SHC4: variants seen among roughly 807,000 people sequenced by gnomAD.
SHC4 encodes the protein SHC-transforming protein 4.
SHC4 carries 41 observed loss-of-function variants against 69.4 expected under a neutral mutation model. The ratio of observed to expected loss-of-function variants is 0.59; its 90% CI spans 0.46 to 0.77. The LOEUF is 0.77. Ranked by LOEUF, SHC4 falls within the 30% of genes least tolerant of loss-of-function variation. SHC4 has a pLI of 0.00. For synonymous variants in SHC4, 318 were observed against 299.3 expected, an observed-to-expected ratio of 1.06 and a Z score of -0.64; for missense variants, 777 against 783.8, an observed-to-expected ratio of 0.99 and a Z score of 0.10.
At chr15:48,889,866 A>C (rs949244605) in intron 3 of SHC4, among the ~76,000 whole-genome samples, 7 of 152,070 alleles carry the variant, frequency 4.6e-5, no homozygotes, top group African/African-American at 1.7e-4. Context: ...CAAAACAAAA[A>C]CAAAAAACCC....
chr15:48,890,684 G>T, intron 3 of SHC4, 64 bp downstream of exon 3: 2 of 1,589,192 alleles, frequency 1.3e-6, no homozygotes, highest in South Asian at 1.1e-5. Flanking sequence ...AACGAACAGC[G>T]ATTTTCATAC....
At chr15:48,940,282 A>G (rs1901151273) in intron 1 of SHC4, among the ~76,000 whole-genome samples, 1 of 152,220 alleles carries the variant, frequency 6.6e-6, no homozygotes, top group Non-Finnish European at 1.5e-5. Context: ...TCTCCTGCCA[A>G]CACATAATCC....
intron 4 of SHC4, 35 bp downstream of exon 4, chr15:48,884,213 A>G (rs371992890): frequency 1.9e-6 from 3 of 1,567,356 alleles, no homozygotes; most frequent in African/African-American, 2.8e-5. Flanking sequence ...GAAAAAATAG[A>G]TATGTTTATC....
rs763894985 is a variant in SHC4 at position 48,963,292 on chromosome 15, A to G, written c.-277T>C. Reference sequence around the variant, plus strand: ...ATCCTTGTCGGGAGAGCCTAGACCCAGGCTCCCGGCGGCGCGGGTCGCTCA... The same window carrying G: ...ATCCTTGTCGGGAGAGCCTAGACCCGGGCTCCCGGCGGCGCGGGTCGCTCA... On this transcript the variant is annotated 5_prime_UTR_variant, in exon 1 of 12. Transcript: ENST00000332408. 3.4e-5 allele frequency: 13 copies of G among 377,502 alleles called. No homozygotes were observed. The highest frequency in any genetic ancestry group is 6.2e-5 in the Non-Finnish European group (13 of 210,754). The allele number at this position is 377,502 out of a possible 1,614,324, so 23.4% of individuals were successfully genotyped here.
chr15:48,901,340 T>C (rs1369658822), intron 2 of SHC4, among the ~76,000 whole-genome samples: 1 of 152,192 alleles, frequency 6.6e-6, no homozygotes, highest in African/African-American at 2.4e-5. Context: ...TTTGCAAGGA[T>C]TGTTTATACA....
At chr15:48,855,302 T>A (rs182329236) in intron 8 of SHC4, among the ~76,000 whole-genome samples, 28 of 152,106 alleles carry the variant, frequency 1.8e-4, no homozygotes, top group Admixed American at 1.8e-3. Context: ...TACAGAATAC[T>A]GAAGAAGGAA....
chr15:48,874,389 G>A lies in SHC4; in HGVS notation c.841-2247C>T, dbSNP rs189630819. Among the ~76,000 whole-genome samples, 5 of 152,282 alleles carry A rather than the reference G, an allele frequency of 3.3e-5. No homozygotes were observed. In the East Asian group the frequency reaches 5.8e-4, roughly 18 times the overall value. On this transcript the variant is annotated intron_variant, in intron 4 of 11. Transcript: ENST00000332408. ...CTGGCCAGAGACCAAGTACCAGTCC[G>A]TGGCCTGTTAGGAACCGGGCTGCAG...
chr15:48,873,841 A>C (rs1457638346), intron 4 of SHC4, among the ~76,000 whole-genome samples: 2 of 152,220 alleles, frequency 1.3e-5, no homozygotes, highest in African/African-American at 4.8e-5. Flanking sequence ...GAATCATGTA[A>C]TGCTTTTTGG....
At chr15:48,947,597 C>T (rs552788158) in intron 1 of SHC4, among the ~76,000 whole-genome samples, 2 of 152,252 alleles carry the variant, frequency 1.3e-5, no homozygotes, top group East Asian at 3.9e-4. Flanking sequence ...TCTCATTCAC[C>T]AGGATCCTGG....
chr15:48,888,863 G>A (rs555349237), intron 3 of SHC4, among the ~76,000 whole-genome samples: 2 of 147,110 alleles, frequency 1.4e-5, no homozygotes, highest in South Asian at 2.2e-4. Flanking sequence ...CTCCAGCCTG[G>A]GTGACAGAGT....
intron 4 of SHC4, chr15:48,877,492 A>G (rs1899830180): frequency 2.0e-6 from 2 of 984,712 alleles, no homozygotes; most frequent in Middle Eastern, 5.2e-4. Flanking sequence ...TTTAAAAAAC[A>G]CACAAAATAG....
At position 48,857,703 on chromosome 15, in the gene SHC4, A is replaced by G; in HGVS notation, c.1059T>C (p.Thr353=). The change falls in exon 7 of 12, where the codon ACT becomes ACC. Residue 353 remains threonine (T), a synonymous_variant. Coordinates refer to ENST00000332408, the MANE Select transcript of SHC4 (RefSeq NM_203349.4). ...AACTCTTGGCTGACCTTTCACAAGA[A>G]GTATTCAAAGAAGGATTTTTCAAGT... The part of the protein sequence containing the change: ...KQYLKNPSLN[T]SCESEEVHID... The G allele has an allele frequency of 6.3e-7, 1 of 1,598,388 alleles. No individual in the cohort carries two copies. The highest frequency in any genetic ancestry group is 8.5e-7 in the Non-Finnish European group (1 of 1,172,096).
intron 1 of SHC4, among the ~76,000 whole-genome samples, chr15:48,934,534 G>A (rs1401170579): frequency 6.6e-6 from 1 of 152,102 alleles, no homozygotes; most frequent in Admixed American, 6.6e-5. Flanking sequence ...GAAACAGCTT[G>A]GCAGTTTCTC....
chr15:48,872,564 T>A (rs1424622129), intron 4 of SHC4, among the ~76,000 whole-genome samples: 4 of 152,266 alleles, frequency 2.6e-5, no homozygotes, highest in African/African-American at 9.6e-5. Flanking sequence ...GCTTTTCTTC[T>A]GATGAAAATC....
chr15:48,871,515 G>C (rs1444721303), intron 5 of SHC4, among the ~76,000 whole-genome samples: 4 of 152,204 alleles, frequency 2.6e-5, no homozygotes, highest in Non-Finnish European at 5.9e-5. Context: ...ATTCTGCAGA[G>C]TAGGCTTGGA....
At chr15:48,839,426 C>T (rs1307044305) in intron 10 of SHC4, among the ~76,000 whole-genome samples, 1 of 152,152 alleles carries the variant, frequency 6.6e-6, no homozygotes, top group African/African-American at 2.4e-5. Context: ...TTTAAGTATG[C>T]ACATGAAGAA....
chr15:48,873,126 C>CA (rs11447815), intron 4 of SHC4, among the ~76,000 whole-genome samples: 125,147 of 152,132 alleles, frequency 0.82, 52,137 homozygotes, highest in East Asian at 1. Context: ...TTGTAATATT[C>CA]AATGGTGGCA....
intron 2 of SHC4, among the ~76,000 whole-genome samples, chr15:48,891,133 T>C (rs1368592736): frequency 6.6e-6 from 1 of 152,236 alleles, no homozygotes; most frequent in African/African-American, 2.4e-5. Context: ...GGGCAGGGCA[T>C]TGTCATCTGG....
At chr15:48,959,041 C>T (rs1401502456) in intron 1 of SHC4, among the ~76,000 whole-genome samples, 1 of 152,186 alleles carries the variant, frequency 6.6e-6, no homozygotes, top group African/African-American at 2.4e-5. Context: ...ATTTATTCTA[C>T]ATCATAAGAC....
Sources: allele counts gnomAD v4.1 joint callset (sites outside exome capture counted in the v4.1 genomes callset), GRCh38; gene constraint gnomAD v4.1.1; transcripts MANE v1.5; gene names NCBI Gene and HGNC (gene_info 2026-07-23, HGNC 2026-07-21).